The following PTPRD variants were observed in gnomAD, a reference collection of about 807,000 sequenced individuals.
PTPRD encodes receptor-type tyrosine-protein phosphatase delta.
A neutral mutation model predicts 214.5 loss-of-function variants in PTPRD; 34 were observed. The observed-to-expected ratio is 0.16, with a 90% CI of 0.12 to 0.21. The LOEUF is 0.21. PTPRD is among the 10% of genes least tolerant of loss of function. The probability of loss-of-function intolerance (pLI) is 1.00; values close to 1 mark genes in which losing one functional copy is unlikely to be tolerated. For synonymous variants in PTPRD, 1,128 were observed against 845.7 expected, an observed-to-expected ratio of 1.33 and a Z score of -5.79; for missense variants, 2,545 against 2,398.7, an observed-to-expected ratio of 1.06 and a Z score of -1.27.
chr9:10,149,512 C>A (rs1482647209), intron 3 of PTPRD, among the ~76,000 whole-genome samples: 3 of 152,124 alleles, frequency 2.0e-5, no homozygotes, highest in South Asian at 4.1e-4. Flanking sequence ...CAAGGCACTG[C>A]CCTCCAGCGT....
intron 12 of PTPRD, among the ~76,000 whole-genome samples, chr9:8,726,678 G>C: frequency 7.9e-6 from 1 of 126,570 alleles, no homozygotes; most frequent in South Asian, 2.8e-4. Flanking sequence ...GTGGGCACCT[G>C]TAATCCCAGC....
At chr9:8,718,801 T>C (rs987300532) in intron 12 of PTPRD, among the ~76,000 whole-genome samples, 2 of 152,204 alleles carry the variant, frequency 1.3e-5, no homozygotes, top group Admixed American at 1.3e-4. Context: ...ATTCCAATTC[T>C]GAACCTTCTC....
intron 2 of PTPRD, among the ~76,000 whole-genome samples, chr9:10,463,722 C>G (rs944297170): frequency 2.0e-5 from 3 of 151,666 alleles, no homozygotes; most frequent in Admixed American, 1.3e-4. Context: ...ACTTCAGACA[C>G]TAACAGAGGA....
intron 5 of PTPRD, among the ~76,000 whole-genome samples, chr9:9,788,251 G>T (rs116141548): frequency 2.8e-4 from 43 of 151,544 alleles, no homozygotes; most frequent in African/African-American, 9.7e-4. Flanking sequence ...CATGAAAAAA[G>T]ATATAAAAAT....
chr9:8,877,854 C>T (rs1434757193), intron 11 of PTPRD, among the ~76,000 whole-genome samples: 1 of 152,102 alleles, frequency 6.6e-6, no homozygotes, highest in African/African-American at 2.4e-5. Flanking sequence ...ATCCAATTCT[C>T]CCTTTCTTAA....
intron 11 of PTPRD, among the ~76,000 whole-genome samples, chr9:8,908,987 TA>T (rs1017440611): frequency 1.3e-4 from 19 of 150,462 alleles, no homozygotes; most frequent in Admixed American, 1.0e-3. Context: ...ACATATGATA[TA>T]AAATATATAA....
intron 10 of PTPRD, among the ~76,000 whole-genome samples, chr9:9,126,916 C>G (rs944403003): frequency 6.6e-6 from 1 of 152,104 alleles, no homozygotes; most frequent in Non-Finnish European, 1.5e-5. Flanking sequence ...GGCTGGAGCC[C>G]ATCCTAGCAT....
intron 11 of PTPRD, chr9:8,861,517 T>A (rs927556974): frequency 4.6e-5 from 7 of 152,216 alleles, no homozygotes; most frequent in Admixed American, 3.3e-4. Context: ...GTTTCCAATC[T>A]TAACTGCCTT....
intron 3 of PTPRD, among the ~76,000 whole-genome samples, chr9:10,125,622 T>TTGTGTGTGTG (rs35164422): frequency 0.019 from 2,593 of 139,280 alleles, 35 homozygotes; most frequent in African/African-American, 0.033. Context: ...GCTCGGCTAA[T>TTGTGTGTGTG]TGTGTGTGTG....
Position 9,445,600 on chromosome 9 carries a change from G to A in PTPRD, c.-236-48118C>T, listed in dbSNP as rs183340550. On this transcript the variant is annotated intron_variant, in intron 8 of 45. Coordinates refer to ENST00000381196, the MANE Select transcript of PTPRD (RefSeq NM_002839.4). ...CTTCTTCACATGGCAGCAGGAAGGA[G>A]AAGTGCCAAGCAAAGGGGGAAAATC... is the stretch of plus-strand genomic sequence containing the variant. Among the ~76,000 whole-genome samples, 3 of 152,248 alleles carry A rather than the reference G, an allele frequency of 2.0e-5. No homozygotes were observed. The East Asian group carries it at 5.8e-4, about 29-fold the overall frequency.
chr9:8,315,751 C>T lies in PTPRD; in HGVS notation c.*2123G>A, dbSNP rs185929527. On this transcript the variant is annotated 3_prime_UTR_variant, in exon 46 of 46. Coordinates refer to ENST00000381196, the MANE Select transcript of PTPRD (RefSeq NM_002839.4). ...GCTAGCAATGGGAAAATGTGGAAAA[C>T]AAAAATCCTTCCATGCAGAACATCC... 1.7e-5 allele frequency: 4 copies of T among 228,858 alleles called. No individual in the cohort carries two copies. Among genetic ancestry groups the T allele is most frequent in the African/African-American group, 8.9e-5 (4 of 45,164 alleles). The allele number at this position is 228,858 out of a possible 1,614,324, so 14.2% of individuals were successfully genotyped here. A position where few individuals can be genotyped will look rare whatever the true frequency, so the allele number is the denominator to read the frequency against.
chr9:8,419,829 C>T (rs1358138254), intron 35 of PTPRD, among the ~76,000 whole-genome samples: 4 of 151,828 alleles, frequency 2.6e-5, no homozygotes, highest in Non-Finnish European at 5.9e-5. Flanking sequence ...ATTCAAGTAA[C>T]AGAATATGAG....
At chr9:9,312,389 A>G (rs1226333218) in intron 9 of PTPRD, among the ~76,000 whole-genome samples, 2 of 152,224 alleles carry the variant, frequency 1.3e-5, no homozygotes, top group African/African-American at 4.8e-5. Context: ...TGACTTCTAC[A>G]TTGTACAGCA....
At chr9:9,538,754 C>G (rs1243676330) in intron 8 of PTPRD, among the ~76,000 whole-genome samples, 2 of 151,828 alleles carry the variant, frequency 1.3e-5, no homozygotes, top group Non-Finnish European at 2.9e-5. Flanking sequence ...TACTTCCCAA[C>G]AAATGCTCTA....
intron 12 of PTPRD, among the ~76,000 whole-genome samples, chr9:8,644,070 C>A (rs2096635912): frequency 6.6e-6 from 1 of 152,158 alleles, no homozygotes; most frequent in Non-Finnish European, 1.5e-5. Flanking sequence ...CCAGGCTCAG[C>A]CAAAGCAAAG....
intron 3 of PTPRD, among the ~76,000 whole-genome samples, chr9:10,131,749 T>A (rs1219192645): frequency 6.6e-6 from 1 of 152,112 alleles, no homozygotes; most frequent in African/African-American, 2.4e-5. Flanking sequence ...TGGTAGAAAG[T>A]CATGGAAGAT....
intron 14 of PTPRD, among the ~76,000 whole-genome samples, chr9:8,591,838 C>A (rs540239301): frequency 5.9e-5 from 9 of 152,204 alleles, no homozygotes; most frequent in African/African-American, 2.2e-4. Context: ...ACTATGTAAA[C>A]CTTCTAACGG....
intron 3 of PTPRD, among the ~76,000 whole-genome samples, chr9:10,117,179 G>C (rs925795306): frequency 6.6e-6 from 1 of 151,946 alleles, no homozygotes. Flanking sequence ...TGCAACAAAA[G>C]AATGATATGT....
At chr9:8,600,158 A>C (rs371944790) in intron 14 of PTPRD, among the ~76,000 whole-genome samples, 16 of 152,154 alleles carry the variant, frequency 1.1e-4, no homozygotes, top group African/African-American at 3.9e-4. Flanking sequence ...CTCACAGTGG[A>C]AAGCAGAACC....
Sources: gnomAD v4.1 joint callset for allele counts (sites outside exome capture counted in the v4.1 genomes callset) on GRCh38, gnomAD v4.1.1 for gene constraint, MANE v1.5 for transcripts, NCBI Gene and HGNC (gene_info 2026-07-23, HGNC 2026-07-21) for gene names.